Variants in SLC6A11 observed in about 807,000 individuals in gnomAD.
SLC6A11 encodes the protein solute carrier family 6 member 11.
SLC6A11 carries 25 observed loss-of-function variants against 74.8 expected under a neutral mutation model. The observed-to-expected ratio is 0.33, with a 90% CI of 0.24 to 0.47. The LOEUF is 0.47. Ranked by LOEUF, SLC6A11 falls within the 20% of genes least tolerant of loss-of-function variation. The probability of loss-of-function intolerance (pLI) is 1.00; values close to 1 mark genes in which losing one functional copy is unlikely to be tolerated. For synonymous variants in SLC6A11, 330 were observed against 330.2 expected, an observed-to-expected ratio of 1.00 and a Z score of 0.01; for missense variants, 574 against 837.0, an observed-to-expected ratio of 0.69 and a Z score of 3.88.
At chr3:10,902,772 C>A (rs904491477) in intron 6 of SLC6A11, among the ~76,000 whole-genome samples, 1 of 152,166 alleles carries the variant, frequency 6.6e-6, no homozygotes, top group African/African-American at 2.4e-5. Flanking sequence ...TGTTTCAGTG[C>A]CTTCTTCCAA....
chr3:10,904,432 C>T (rs1695277872), intron 6 of SLC6A11, among the ~76,000 whole-genome samples: 1 of 152,222 alleles, frequency 6.6e-6, no homozygotes, highest in Admixed American at 6.5e-5. Flanking sequence ...ATCTGTCCTC[C>T]AAACCTCTGA....
At chr3:10,839,435 C>T (rs1282945129) in intron 4 of SLC6A11, among the ~76,000 whole-genome samples, 1 of 152,216 alleles carries the variant, frequency 6.6e-6, no homozygotes, top group African/African-American at 2.4e-5. Flanking sequence ...TGGCCTGCAG[C>T]GTTTGCAGGT....
intron 4 of SLC6A11, among the ~76,000 whole-genome samples, chr3:10,835,063 G>A (rs1316224275): frequency 6.6e-6 from 1 of 152,234 alleles, no homozygotes; most frequent in African/African-American, 2.4e-5. Flanking sequence ...TGATGCTCTC[G>A]CGCCTATCCT....
intron 12 of SLC6A11, 81 bp downstream of exon 12, chr3:10,934,247 C>T: frequency 1.0e-6 from 1 of 975,768 alleles, no homozygotes; most frequent in Non-Finnish European, 1.6e-6. Context: ...CCGTAGCCCC[C>T]ACCCTGGCCG....
At chr3:10,825,339 T>TA (rs1479992316) in intron 4 of SLC6A11, 5 of 152,242 alleles carry the variant, frequency 3.3e-5, no homozygotes, top group Non-Finnish European at 5.9e-5. Flanking sequence ...ATTTCTCTAA[T>TA]TACTTGTGAG....
intron 6 of SLC6A11, among the ~76,000 whole-genome samples, chr3:10,895,599 G>A (rs893373134): frequency 6.6e-6 from 1 of 152,188 alleles, no homozygotes; most frequent in African/African-American, 2.4e-5. Context: ...GGCCTGTTGG[G>A]GGGATAGCGG....
chr3:10,859,958 C>T (rs1391790992), intron 5 of SLC6A11, among the ~76,000 whole-genome samples: 2 of 152,294 alleles, frequency 1.3e-5, no homozygotes, highest in East Asian at 3.9e-4. Flanking sequence ...ATTCTTCTGA[C>T]CTCAGGTGTG....
chr3:10,829,104 TG>T (rs1694257953), intron 4 of SLC6A11, among the ~76,000 whole-genome samples: 2 of 152,238 alleles, frequency 1.3e-5, no homozygotes, highest in African/African-American at 4.8e-5. Context: ...AGACTTCTCC[TG>T]TAGGAAGCCC....
intron 5 of SLC6A11, among the ~76,000 whole-genome samples, chr3:10,866,288 G>GT (rs1694761852): frequency 6.6e-6 from 1 of 152,172 alleles, no homozygotes; most frequent in Non-Finnish European, 1.5e-5. Context: ...TTTCTATCTT[G>GT]TTGGCCAGAA....
intron 4 of SLC6A11, among the ~76,000 whole-genome samples, chr3:10,841,898 C>T (rs572784287): frequency 6.6e-6 from 1 of 152,336 alleles, no homozygotes; most frequent in South Asian, 2.1e-4. Context: ...TGTGTTCCTC[C>T]AGTGACAAGC....
chr3:10,881,753 AC>A (rs1213556291), intron 6 of SLC6A11, among the ~76,000 whole-genome samples: 1 of 151,974 alleles, frequency 6.6e-6, no homozygotes, highest in Non-Finnish European at 1.5e-5. Flanking sequence ...GCACCTTCCC[AC>A]CCCAGAGGAT....
intron 6 of SLC6A11, among the ~76,000 whole-genome samples, chr3:10,892,351 A>G (rs1411542431): frequency 6.6e-6 from 1 of 152,216 alleles, no homozygotes; most frequent in Non-Finnish European, 1.5e-5. Flanking sequence ...TCCAAACAGT[A>G]GAGGCAAGTG....
chr3:10,858,493 C>T (rs1036807088), intron 5 of SLC6A11, among the ~76,000 whole-genome samples: 1 of 152,212 alleles, frequency 6.6e-6, no homozygotes, highest in Non-Finnish European at 1.5e-5. Flanking sequence ...TCACCTCCAT[C>T]TTTATGATGA....
chr3:10,819,648 A>T lies in SLC6A11; in HGVS notation c.391+49A>T, dbSNP rs762160151. 3 of 1,609,724 alleles carry T rather than the reference A, an allele frequency of 1.9e-6. No individual in the cohort carries two copies. In the African/African-American group the frequency reaches 4.0e-5, roughly 22 times the overall value. ...ATAAAATTTTGCCCAGGGAATGTCA[A>T]CTGCAAAGGCAGATTGTTTTGAAAA... On this transcript the variant is annotated intron_variant, in intron 2 of 13. Transcript: ENST00000254488.
At chr3:10,857,614 C>A (rs1377506172) in intron 5 of SLC6A11, among the ~76,000 whole-genome samples, 1 of 152,148 alleles carries the variant, frequency 6.6e-6, no homozygotes, top group Non-Finnish European at 1.5e-5. Flanking sequence ...TAAGTTGTGT[C>A]ATAATTGTGA....
intron 6 of SLC6A11, among the ~76,000 whole-genome samples, chr3:10,877,193 G>A (rs779137119): frequency 5.9e-5 from 9 of 152,330 alleles, no homozygotes; most frequent in Non-Finnish European, 8.8e-5. Context: ...GCACTCAAAG[G>A]CAGAGTTGAG....
At chr3:10,857,842 C>T (rs548106517) in intron 5 of SLC6A11, among the ~76,000 whole-genome samples, 110 of 152,156 alleles carry the variant, frequency 7.2e-4, no homozygotes, top group Middle Eastern at 6.8e-3. Context: ...GATGCCCTAG[C>T]TATATTATAA....
intron 4 of SLC6A11, among the ~76,000 whole-genome samples, chr3:10,841,927 TG>T (rs1361574547): frequency 5.9e-5 from 9 of 152,242 alleles, no homozygotes; most frequent in Non-Finnish European, 4.4e-5. Flanking sequence ...TGGAGTGGGC[TG>T]GTGCAGAGTA....
At chr3:10,851,683 T>C (rs971236339) in intron 5 of SLC6A11, among the ~76,000 whole-genome samples, 2 of 152,240 alleles carry the variant, frequency 1.3e-5, no homozygotes, top group African/African-American at 4.8e-5. Flanking sequence ...ATCGTCCCCA[T>C]TTCACAGATG....
Sources: allele counts gnomAD v4.1 joint callset (sites outside exome capture counted in the v4.1 genomes callset), GRCh38; gene constraint gnomAD v4.1.1; transcripts MANE v1.5; gene names NCBI Gene and HGNC (gene_info 2026-07-23, HGNC 2026-07-21).